Variants in CFAP46 observed in about 807,000 individuals in gnomAD.
CFAP46 encodes cilia and flagella associated protein 46.
In CFAP46, 245 loss-of-function variants were observed where a neutral mutation model predicts 325.7. That is an observed-to-expected ratio of 0.75 (90% CI 0.68 to 0.84). CFAP46 has a LOEUF of 0.84. Ranked by LOEUF, CFAP46 falls within the 40% of genes least tolerant of loss-of-function variation. CFAP46 has a pLI of 0.00. For missense variants in CFAP46, 3,346 were observed against 3,543.0 expected, an observed-to-expected ratio of 0.94 and a Z score of 1.41; for synonymous variants, 1,523 against 1,495.9, an observed-to-expected ratio of 1.02 and a Z score of -0.42.
chr10:132,810,534 G>A, intron 56 of CFAP46, 45 bp from the exon 57 acceptor site: 1 of 1,569,036 alleles, frequency 6.4e-7, no homozygotes, highest in Non-Finnish European at 8.8e-7. Flanking sequence ...CACCCTGGCA[G>A]CCTTGCTGAA....
intron 50 of CFAP46, among the ~76,000 whole-genome samples, chr10:132,822,456 TG>T (rs1463047177): frequency 6.9e-6 from 1 of 144,708 alleles, no homozygotes; most frequent in Admixed American, 6.9e-5. Flanking sequence ...TGATGTGTGC[TG>T]TGTGAGTGCT....
chr10:132,940,415 A>G (rs1850078801), intron 4 of CFAP46, among the ~76,000 whole-genome samples: 1 of 152,168 alleles, frequency 6.6e-6, no homozygotes, highest in Non-Finnish European at 1.5e-5. Flanking sequence ...TTGTGCAGAA[A>G]GCACTGATTT....
At chr10:132,820,913 T>C (rs866305595) in intron 50 of CFAP46, among the ~76,000 whole-genome samples, 143 of 121,084 alleles carry the variant, frequency 1.2e-3, no homozygotes, top group East Asian at 1.7e-3. Flanking sequence ...GCTGTGTGTG[T>C]GCTGATGTGT....
At chr10:132,812,668 G>A in intron 55 of CFAP46, 117 bp downstream of exon 55, 1 of 697,714 alleles carries the variant, frequency 1.4e-6, no homozygotes, top group South Asian at 1.7e-5. Flanking sequence ...GGGCAGGAGG[G>A]GGCTGCGGCC....
chr10:132,903,699 C>T (rs1849419956), intron 22 of CFAP46, among the ~76,000 whole-genome samples: 1 of 152,158 alleles, frequency 6.6e-6, no homozygotes, highest in Non-Finnish European at 1.5e-5. Context: ...GCTTTCAAGG[C>T]CGGAACTAGG....
At chr10:132,841,490 G>A (rs960328104) in intron 44 of CFAP46, among the ~76,000 whole-genome samples, 10 of 152,192 alleles carry the variant, frequency 6.6e-5, no homozygotes, top group South Asian at 2.1e-4. Context: ...GAAGCTTCCC[G>A]AGCTGCCAGT....
chr10:132,872,530 A>G, intron 32 of CFAP46, 146 bp downstream of exon 32: 3 of 1,019,048 alleles, frequency 2.9e-6, no homozygotes, highest in African/African-American at 1.6e-5. Flanking sequence ...TACCATTTTC[A>G]TATTCAAATA....
At chr10:132,928,781 A>G (rs1218121911) in intron 9 of CFAP46, among the ~76,000 whole-genome samples, 4 of 152,060 alleles carry the variant, frequency 2.6e-5, no homozygotes, top group African/African-American at 4.8e-5. Flanking sequence ...AACTGATCAC[A>G]TTTTCCCTGC....
Position 132,835,324 on chromosome 10 carries a change from T to C in CFAP46, c.6724A>G (p.Met2242Val), listed in dbSNP as rs373278952. Residue 2242 changes from methionine to valine, a missense_variant, in exon 47 of 58, where the codon ATG becomes GTG. Physicochemically the swap from Met to Val is conservative, Grantham distance 21. Coordinates refer to ENST00000368586, the MANE Select transcript of CFAP46 (RefSeq NM_001200049.3). ...QTQAQVYSED[M>V]ALNIGSEPEG... ...CTCACCGAGCCTATGTTCAGGGCCA[T>C]GTCCTCACTGTACACCTGGGCCTGG... The C allele has an allele frequency of 1.1e-5, 17 of 1,613,272 alleles. No homozygotes were observed. Among genetic ancestry groups the C allele is most frequent in the Admixed American group, 1.0e-4 (6 of 59,994 alleles).
In CFAP46 at chr10:132,847,389, C is replaced by A; in HGVS notation, c.5953-68G>T. The A allele has an allele frequency of 1.3e-6, 2 of 1,588,818 alleles. No homozygotes were observed. Among genetic ancestry groups the A allele is most frequent in the Non-Finnish European group, 1.7e-6 (2 of 1,164,122 alleles). On this transcript the variant is annotated intron_variant, in intron 41 of 57. Transcript: ENST00000368586. The surrounding 1 kb of genome is among the most constrained non-coding windows in gnomAD (Gnocchi z 5.2). The stretch of plus-strand genomic sequence containing the variant: ...GCTTGGTCGGCGTGGGGAGGGCCCA[C>A]CCAGGGAGGCCGGGGTGGTCGGGCT...
rs956573205 is a variant in CFAP46, at chr10:132,892,357, T to C, written c.3280A>G (p.Thr1094Ala). 6.4e-7 allele frequency: 1 copy of C among 1,550,704 alleles called. No homozygotes were observed. The highest frequency in any genetic ancestry group is 1.4e-5 in the African/African-American group (1 of 73,044). The change falls in exon 25 of 58, where the codon ACG becomes GCG. Residue 1094 changes from threonine to alanine, a missense_variant. Coordinates refer to ENST00000368586, the MANE Select transcript of CFAP46 (RefSeq NM_001200049.3). ...WPTADFQGGG[T>A]TEGYFLPGAE... ...CCTGGAAGAAAATATCCTTCGGTCG[T>C]CCCGCCACCCTGGAAGTCGGCCGTG... is the stretch of plus-strand genomic sequence containing the variant.
At chr10:132,910,647 G>C (rs12416523) in intron 19 of CFAP46, among the ~76,000 whole-genome samples, 1 of 151,982 alleles carries the variant, frequency 6.6e-6, no homozygotes, top group Non-Finnish European at 1.5e-5. Flanking sequence ...AGCCTCGCCC[G>C]GTGCAGGAAG....
chr10:132,859,210 C>A lies in CFAP46; in HGVS notation c.5236G>T (p.Ala1746Ser). 1 of 1,550,194 alleles carries A rather than the reference C, an allele frequency of 6.5e-7. No homozygotes were observed. The highest frequency in any genetic ancestry group is 8.7e-7 in the Non-Finnish European group (1 of 1,147,010). ...GAGCACTCTGTGGGTTCAGTGACCGCTGAGTGCTGCGCAACTCTGACCCGC... is the reference window on the plus strand; with the variant it reads ...GAGCACTCTGTGGGTTCAGTGACCGATGAGTGCTGCGCAACTCTGACCCGC... ...SLRVRVAQHS[A>S]VTEPTECSLL... Residue 1746 changes from alanine (A) to serine (S), a missense_variant, in exon 38 of 58, where the codon GCG (alanine) becomes TCG (serine). Ala to Ser is a moderately conservative substitution (Grantham distance 99). Transcript: ENST00000368586.
chr10:132,864,033 G>C (rs1373162855), intron 35 of CFAP46, among the ~76,000 whole-genome samples: 1 of 138,806 alleles, frequency 7.2e-6, no homozygotes, highest in Non-Finnish European at 1.5e-5. Context: ...CCTGCTATTA[G>C]AGACCTGCAC....
chr10:132,866,728 C>G (rs1848818465), intron 34 of CFAP46, among the ~76,000 whole-genome samples: 1 of 152,238 alleles, frequency 6.6e-6, no homozygotes, highest in Non-Finnish European at 1.5e-5. Flanking sequence ...GTGCTGAGCC[C>G]CTGTCCTGTC....
In CFAP46 at chr10:132,860,959, C is replaced by A. The variant is rs377377747; in HGVS notation, c.4914G>T (p.Glu1638Asp). ...AFQELDEPCA[E>D]AQCLLLLAQL... Reference sequence around the variant, plus strand: ...GTGCGAGGAGGAGCAGGCACTGGGCCTCTGCACAAGGCTCATCCAGCTCCT... The same window carrying A: ...GTGCGAGGAGGAGCAGGCACTGGGCATCTGCACAAGGCTCATCCAGCTCCT... The change falls in exon 36 of 58, where the codon GAG (glutamate) becomes GAT (aspartate). Residue 1638 changes from glutamate (E) to aspartate (D), a missense_variant. Transcript: ENST00000368586. 6.4e-7 allele frequency: 1 copy of A among 1,550,664 alleles called. No homozygotes were observed. Among genetic ancestry groups the A allele is most frequent in the Admixed American group, 2.0e-5 (1 of 51,018 alleles).
chr10:132,818,591 G>A (rs1053897780), intron 50 of CFAP46, among the ~76,000 whole-genome samples: 59 of 152,272 alleles, frequency 3.9e-4, no homozygotes, highest in Admixed American at 7.8e-4. Flanking sequence ...GGTGGTTCAT[G>A]CCTGTAATCC....
intron 38 of CFAP46, among the ~76,000 whole-genome samples, chr10:132,858,194 G>A (rs900281449): frequency 1.3e-5 from 2 of 152,340 alleles, no homozygotes; most frequent in Admixed American, 6.5e-5. Context: ...TGGGCCCGCC[G>A]TGTCGAGACG....
intron 39 of CFAP46, 139 bp from the exon 40 acceptor site, chr10:132,851,444 C>T (rs1848543382): frequency 3.9e-6 from 3 of 775,392 alleles, no homozygotes; most frequent in Admixed American, 2.8e-5. Context: ...AACTGACACA[C>T]TTTGATCACG....
Sources: allele counts gnomAD v4.1 joint callset (sites outside exome capture counted in the v4.1 genomes callset), GRCh38; gene constraint gnomAD v4.1.1; non-coding constraint Gnocchi (gnomAD v3.1); transcripts MANE v1.5; gene names NCBI Gene and HGNC (gene_info 2026-07-23, HGNC 2026-07-21).